The following TTC28 variants were observed in gnomAD, a reference collection of about 807,000 sequenced individuals.
The protein encoded by TTC28 is tetratricopeptide repeat protein 28.
A neutral mutation model predicts 198.0 loss-of-function variants in TTC28; 61 were observed. The observed-to-expected ratio is 0.31, with a 90% CI of 0.25 to 0.38. The LOEUF (loss-of-function observed/expected upper bound fraction) is 0.38, where lower values mean the gene tolerates loss of function less well. TTC28 is among the 10% of genes least tolerant of loss of function. The pLI is 1.00. For synonymous variants in TTC28, 1,171 were observed against 1,297.8 expected (o/e 0.90, Z 2.10); for missense variants, 2,678 against 3,164.0 (o/e 0.85, Z 3.69).
chr22:28,590,134 T>TC (rs998818195), intron 2 of TTC28, among the ~76,000 whole-genome samples: 2 of 149,770 alleles, frequency 1.3e-5, no homozygotes, highest in African/African-American at 4.9e-5. Context: ...CTAAATTTTT[T>TC]TTTTTTTTTT....
chr22:28,306,668 A>G (rs1450796912), intron 2 of TTC28, 25 bp from the exon 3 acceptor site: 1 of 1,550,060 alleles, frequency 6.5e-7, no homozygotes, highest in Admixed American at 2.0e-5. Flanking sequence ...TATATAAGAT[A>G]TATAATGCCT....
At chr22:28,030,411 C>A (rs1240994353) in intron 12 of TTC28, 45 bp from the exon 13 acceptor site, 2 of 1,548,454 alleles carry the variant, frequency 1.3e-6, no homozygotes. Flanking sequence ...AAAGGAAGCG[C>A]TGAGCTATGG....
At chr22:28,118,810 C>T (rs1053797817) in intron 6 of TTC28, among the ~76,000 whole-genome samples, 1 of 152,136 alleles carries the variant, frequency 6.6e-6, no homozygotes, top group African/African-American at 2.4e-5. Flanking sequence ...ACTATAACAA[C>T]TATATTAGCC....
chr22:28,333,762 G>A (rs1014655740), intron 2 of TTC28, among the ~76,000 whole-genome samples: 1 of 151,862 alleles, frequency 6.6e-6, no homozygotes, highest in Non-Finnish European at 1.5e-5. Flanking sequence ...GTTAATTATG[G>A]TGAAAAAAGT....
chr22:28,613,064 A>C (rs1469312937), intron 2 of TTC28, among the ~76,000 whole-genome samples: 2 of 152,156 alleles, frequency 1.3e-5, no homozygotes, highest in African/African-American at 4.8e-5. Flanking sequence ...TGATAAGATC[A>C]ACAAAAATAG....
intron 2 of TTC28, among the ~76,000 whole-genome samples, chr22:28,421,928 C>G (rs202030090): frequency 7.5e-6 from 1 of 133,692 alleles, no homozygotes; most frequent in Non-Finnish European, 1.5e-5. Flanking sequence ...AGCAAGACTC[C>G]GTCTCAAAAA....
chr22:28,641,441 A>G (rs987452499), intron 1 of TTC28, among the ~76,000 whole-genome samples: 4 of 152,248 alleles, frequency 2.6e-5, no homozygotes, highest in Non-Finnish European at 5.9e-5. Context: ...GATTCAATTT[A>G]TTAAATCTCC....
intron 1 of TTC28, among the ~76,000 whole-genome samples, chr22:28,670,704 C>CATACATATATATATATAT (rs1555909582): frequency 2.7e-4 from 35 of 128,606 alleles, no homozygotes; most frequent in Middle Eastern, 3.8e-3. Flanking sequence ...GTCTTTAGGG[C>CATACATATATATATATAT]ATATATATAT....
At chr22:28,106,683 T>C (rs1942315111) in intron 7 of TTC28, among the ~76,000 whole-genome samples, 1 of 152,144 alleles carries the variant, frequency 6.6e-6, no homozygotes, top group African/African-American at 2.4e-5. Context: ...CACATTCATA[T>C]AATGTGGGAG....
At chr22:28,236,618 T>C (rs1929265773) in intron 5 of TTC28, among the ~76,000 whole-genome samples, 1 of 152,216 alleles carries the variant, frequency 6.6e-6, no homozygotes, top group South Asian at 2.1e-4. Context: ...AAGACGCTGA[T>C]GCCATTGTAC....
intron 6 of TTC28, among the ~76,000 whole-genome samples, chr22:28,109,722 T>C (rs925455914): frequency 1.3e-5 from 2 of 152,072 alleles, no homozygotes; most frequent in East Asian, 3.9e-4. Flanking sequence ...GGGGCTAGAG[T>C]GAGGGCCACC....
chr22:28,221,907 C>G (rs948150295), intron 5 of TTC28, among the ~76,000 whole-genome samples: 1 of 152,182 alleles, frequency 6.6e-6, no homozygotes, highest in African/African-American at 2.4e-5. Context: ...CATATCTATC[C>G]ATTCAACTTT....
intron 12 of TTC28, among the ~76,000 whole-genome samples, chr22:28,062,330 G>A (rs897711803): frequency 6.6e-6 from 1 of 151,720 alleles, no homozygotes; most frequent in Admixed American, 6.6e-5. Flanking sequence ...CAAAGTGCTG[G>A]GACTACAGGC....
intron 13 of TTC28, among the ~76,000 whole-genome samples, chr22:28,020,555 T>A (rs1316689363): frequency 1.3e-5 from 2 of 152,144 alleles, no homozygotes; most frequent in African/African-American, 4.8e-5. Context: ...CTTCCCTCGC[T>A]GCTCATGAAT....
intron 2 of TTC28, among the ~76,000 whole-genome samples, chr22:28,437,091 T>A (rs931900652): frequency 6.8e-6 from 1 of 147,206 alleles, no homozygotes; most frequent in Non-Finnish European, 1.5e-5. Context: ...ATTCTTTTAA[T>A]TTTTTTTTTG....
At chr22:28,483,981 C>T (rs1351151119) in intron 2 of TTC28, among the ~76,000 whole-genome samples, 1 of 152,142 alleles carries the variant, frequency 6.6e-6, no homozygotes, top group East Asian at 1.9e-4. Context: ...TGCATTTTTT[C>T]ATAATTTATA....
intron 5 of TTC28, among the ~76,000 whole-genome samples, chr22:28,191,301 G>T (rs998409555): frequency 6.6e-6 from 1 of 152,192 alleles, no homozygotes; most frequent in Non-Finnish European, 1.5e-5. Flanking sequence ...AAAACAATTG[G>T]TTCAGAAATT....
intron 2 of TTC28, among the ~76,000 whole-genome samples, chr22:28,399,179 G>T (rs571166821): frequency 5.7e-4 from 86 of 151,526 alleles, no homozygotes; most frequent in Non-Finnish European, 9.6e-4. Flanking sequence ...TAACTTCTGG[G>T]GATTGCTGCC....
intron 2 of TTC28, among the ~76,000 whole-genome samples, chr22:28,609,363 C>A (rs573365667): frequency 5.9e-5 from 9 of 152,304 alleles, no homozygotes; most frequent in Non-Finnish European, 1.0e-4. Flanking sequence ...GTGATTTCTG[C>A]ATTTCCAACT....
Sources: allele counts gnomAD v4.1 joint callset (sites outside exome capture counted in the v4.1 genomes callset), GRCh38; gene constraint gnomAD v4.1.1; transcripts MANE v1.5; gene names NCBI Gene and HGNC (gene_info 2026-07-23, HGNC 2026-07-21).